The following ADAMTSL3 variants were observed in gnomAD, a reference collection of about 807,000 sequenced individuals.
ADAMTSL3 encodes the protein ADAMTS-like protein 3.
In ADAMTSL3, 128 loss-of-function variants were observed where a neutral mutation model predicts 201.7. The ratio of observed to expected loss-of-function variants is 0.63; its 90% CI spans 0.55 to 0.73. The LOEUF is 0.73. Ranked by LOEUF, ADAMTSL3 falls within the 30% of genes least tolerant of loss-of-function variation. The pLI is 0.00. For missense variants in ADAMTSL3, 1,990 were observed against 2,119.6 expected (o/e 0.94, Z 1.20); for synonymous variants, 738 against 748.4 (o/e 0.99, Z 0.23).
At chr15:83,715,135 G>A (rs1316985724) in intron 3 of ADAMTSL3, among the ~76,000 whole-genome samples, 2 of 152,178 alleles carry the variant, frequency 1.3e-5, no homozygotes, top group East Asian at 3.9e-4. Context: ...ACCCTGTGGG[G>A]ATGCTGCATC....
intron 23 of ADAMTSL3, among the ~76,000 whole-genome samples, chr15:84,014,144 T>C (rs2068048504): frequency 6.6e-6 from 1 of 152,216 alleles, no homozygotes; most frequent in Non-Finnish European, 1.5e-5. Flanking sequence ...AAAGACTTCC[T>C]TGTGACAACC....
At chr15:83,834,259 G>A (rs2064216894) in intron 6 of ADAMTSL3, among the ~76,000 whole-genome samples, 1 of 152,170 alleles carries the variant, frequency 6.6e-6, no homozygotes, top group Non-Finnish European at 1.5e-5. Context: ...AAGTGACACA[G>A]ATCAATCACT....
At chr15:83,673,007 C>T (rs1456742689) in intron 2 of ADAMTSL3, among the ~76,000 whole-genome samples, 3 of 152,246 alleles carry the variant, frequency 2.0e-5, no homozygotes, top group African/African-American at 7.2e-5. Flanking sequence ...GCTGCACCCT[C>T]TGTAAATCCT....
At chr15:83,681,232 C>T (rs1012627867) in intron 2 of ADAMTSL3, among the ~76,000 whole-genome samples, 1 of 152,184 alleles carries the variant, frequency 6.6e-6, no homozygotes, top group Non-Finnish European at 1.5e-5. Context: ...TCACATTTCT[C>T]CTCAGTGCTG....
intron 2 of ADAMTSL3, among the ~76,000 whole-genome samples, chr15:83,690,825 A>G (rs1349984593): frequency 1.3e-5 from 2 of 152,346 alleles, no homozygotes; most frequent in East Asian, 3.9e-4. Flanking sequence ...GATTACAACA[A>G]TCGTAATATC....
intron 13 of ADAMTSL3, among the ~76,000 whole-genome samples, chr15:83,894,279 A>T (rs10520575): frequency 6.6e-6 from 1 of 152,144 alleles, no homozygotes; most frequent in African/African-American, 2.4e-5. Flanking sequence ...ACTTTATTCA[A>T]ACTTGCTGGG....
chr15:83,775,719 T>C (rs1374479411), intron 4 of ADAMTSL3, among the ~76,000 whole-genome samples: 1 of 152,186 alleles, frequency 6.6e-6, no homozygotes, highest in Non-Finnish European at 1.5e-5. Context: ...TGTGAGCACT[T>C]TGATGGATTT....
chr15:83,694,302 G>A (rs2061651168), intron 2 of ADAMTSL3: 1 of 152,190 alleles, frequency 6.6e-6, no homozygotes, highest in African/African-American at 2.4e-5. Context: ...GGGTGCTTTG[G>A]TGGGAACGGA....
At chr15:83,818,739 A>G (rs940815777) in intron 5 of ADAMTSL3, among the ~76,000 whole-genome samples, 10 of 152,236 alleles carry the variant, frequency 6.6e-5, no homozygotes, top group African/African-American at 2.2e-4. Context: ...CTTTGGAAAT[A>G]TCTGGTGGGC....
chr15:83,711,252 A>C (rs2061929397), intron 3 of ADAMTSL3, among the ~76,000 whole-genome samples: 1 of 152,202 alleles, frequency 6.6e-6, no homozygotes, highest in Non-Finnish European at 1.5e-5. Context: ...CAATGTGGTT[A>C]AACTATTGGC....
Position 84,025,260 on chromosome 15 carries a change from C to T in ADAMTSL3, c.4480C>T (p.Gln1494Ter). The T allele has an allele frequency of 6.2e-7, 1 of 1,609,810 alleles. No individual in the cohort carries two copies. Among genetic ancestry groups the T allele is most frequent in the South Asian group, 1.1e-5 (1 of 90,000 alleles). Reference sequence around the variant, plus strand: ...TAGGTGGTTCACAAGTGTGTGGTCACAGTGCTCTGTGTCTTGCGGTGAAGG... The same window carrying T: ...TAGGTGGTTCACAAGTGTGTGGTCATAGTGCTCTGTGTCTTGCGGTGAAGG... ...PARWFTSVWSQCSVSCGEGYH... is the reference protein window; with the variant it reads ...PARWFTSVWS Residue 1494 changes from glutamine to a stop codon, truncating the protein, a stop_gained, in exon 27 of 30, where the codon CAG becomes TAG. Coordinates refer to ENST00000286744, the MANE Select transcript of ADAMTSL3 (RefSeq NM_207517.3). LOFTEE classifies it high-confidence loss of function.
chr15:84,003,543 T>TG (rs1201608295), intron 23 of ADAMTSL3, among the ~76,000 whole-genome samples: 1 of 152,152 alleles, frequency 6.6e-6, no homozygotes, highest in Non-Finnish European at 1.5e-5. Flanking sequence ...CTCCTCGTAT[T>TG]GGTGTCAGAG....
chr15:83,834,403 A>G (rs912314789), intron 6 of ADAMTSL3, among the ~76,000 whole-genome samples: 2 of 151,938 alleles, frequency 1.3e-5, no homozygotes, highest in Non-Finnish European at 2.9e-5. Flanking sequence ...AGCTCCATAT[A>G]CTCTGATTTT....
chr15:83,717,888 C>T (rs540711854), intron 3 of ADAMTSL3, among the ~76,000 whole-genome samples: 2 of 152,230 alleles, frequency 1.3e-5, no homozygotes, highest in East Asian at 3.9e-4. Flanking sequence ...ATTGGACTTG[C>T]TGTTATGAGA....
intron 9 of ADAMTSL3, among the ~76,000 whole-genome samples, chr15:83,879,335 A>G (rs1393318201): frequency 6.6e-6 from 1 of 152,114 alleles, no homozygotes; most frequent in Non-Finnish European, 1.5e-5. Flanking sequence ...CTTGAGATGG[A>G]TTATGAAATC....
chr15:83,903,437 TC>T (rs1038226748), intron 15 of ADAMTSL3, among the ~76,000 whole-genome samples: 2 of 151,998 alleles, frequency 1.3e-5, no homozygotes, highest in African/African-American at 4.8e-5. Context: ...CCCTACTCCC[TC>T]CCACTAGACT....
intron 20 of ADAMTSL3, among the ~76,000 whole-genome samples, chr15:83,973,458 A>C (rs562621803): frequency 1.3e-5 from 2 of 152,106 alleles, no homozygotes; most frequent in African/African-American, 4.8e-5. Context: ...ATTACCTTTC[A>C]AGTGATTTGT....
intron 8 of ADAMTSL3, among the ~76,000 whole-genome samples, chr15:83,863,531 A>T (rs1415210067): frequency 6.6e-6 from 1 of 152,252 alleles, no homozygotes; most frequent in African/African-American, 2.4e-5. Flanking sequence ...ACATAACGAA[A>T]TGAAGGCAGA....
chr15:84,027,625 G>T (rs1054310201), intron 27 of ADAMTSL3, among the ~76,000 whole-genome samples: 2 of 152,032 alleles, frequency 1.3e-5, no homozygotes, highest in African/African-American at 2.4e-5. Context: ...CAGGAGAATG[G>T]TGTGAACCCG....
Sources: allele counts gnomAD v4.1 joint callset (sites outside exome capture counted in the v4.1 genomes callset), GRCh38; gene constraint gnomAD v4.1.1; transcripts MANE v1.5; gene names NCBI Gene and HGNC (gene_info 2026-07-23, HGNC 2026-07-21).